Variants in VNN2 observed in about 807,000 individuals in gnomAD.
VNN2 encodes vanin 2, also known as pantetheine hydrolase VNN2.
VNN2 carries 43 observed loss-of-function variants against 43.0 expected under a neutral mutation model. The ratio of observed to expected loss-of-function variants is 1.00; its 90% CI spans 0.78 to 1.29. VNN2 has a LOEUF of 1.29. VNN2 is among the 50% of genes most tolerant of loss of function. The probability of loss-of-function intolerance (pLI) is 0.00; values close to 1 mark genes in which losing one functional copy is unlikely to be tolerated. For missense variants in VNN2, 652 were observed against 619.7 expected (o/e 1.05, Z -0.55); for synonymous variants, 230 against 224.3 (o/e 1.03, Z -0.23).
rs528776801 is a variant in VNN2 at position 132,749,070 on chromosome 6, T to G, written c.1371+625A>C. 5.3e-5 allele frequency among the ~76,000 whole-genome samples: 8 copies of G among 152,342 alleles called. No individual in the cohort carries two copies. In the South Asian group the frequency reaches 8.3e-4, roughly 16 times the overall value. ...CTAGGTATGTTCTTTATTATGTTCTTCCAATGAAGTATCATCATTTTATAA... is the reference window on the plus strand; with the variant it reads ...CTAGGTATGTTCTTTATTATGTTCTGCCAATGAAGTATCATCATTTTATAA... On this transcript the variant is annotated intron_variant, in intron 6 of 6. Coordinates refer to ENST00000326499, the MANE Select transcript of VNN2 (RefSeq NM_004665.6).
At chr6:132,761,268 C>T (rs1238475893), upstream of VNN2, among the ~76,000 whole-genome samples, 2 of 151,816 alleles carry the variant, frequency 1.3e-5, no homozygotes, top group South Asian at 2.1e-4. Context: ...AGCCTACTTC[C>T]TAATTTGCCA....
chr6:132,757,956 T>C, upstream of VNN2: 1 of 1,270,454 alleles, frequency 7.9e-7, no homozygotes, highest in Non-Finnish European at 1.1e-6. Context: ...AATGTTTGCA[T>C]AACATGTGGC....
rs2294760 is a variant in VNN2 at position 132,757,795 on chromosome 6, A to G, written c.89T>C (p.Val30Ala). ...TGGCAAAATGACAGCATGTTCATAC[A>G]CTGCAGCTATAAAACTGTCCTGAGT... is the stretch of plus-strand genomic sequence containing the variant. ...VGTQDSFIAA[V>A]YEHAVILPNK... The change falls in exon 1 of 7, where the codon GTG becomes GCG. Residue 30 changes from valine (V) to alanine (A), a missense_variant. Val to Ala is a moderately conservative substitution (Grantham distance 64). Coordinates refer to ENST00000326499, the MANE Select transcript of VNN2 (RefSeq NM_004665.6). The G allele has an allele frequency of 6.8e-6, 11 of 1,614,138 alleles. No individual in the cohort carries two copies. In the East Asian group the frequency reaches 2.0e-4, roughly 29 times the overall value.
Position 132,749,768 on chromosome 6 carries a change from C to T in VNN2, c.1298G>A (p.Gly433Asp). 6.2e-7 allele frequency: 1 copy of T among 1,614,036 alleles called. No individual in the cohort carries two copies. Among genetic ancestry groups the T allele is most frequent in the Non-Finnish European group, 8.5e-7 (1 of 1,179,968 alleles). ...STRFEMFSLSGTFGTEYVFPE... is the reference protein window; with the variant it reads ...STRFEMFSLSDTFGTEYVFPE... ...AAAAACATACTCTGTTCCAAATGTGCCACTGAGGGAGAACATTTCAAATCT... is the reference window on the plus strand; with the variant it reads ...AAAAACATACTCTGTTCCAAATGTGTCACTGAGGGAGAACATTTCAAATCT... The change falls in exon 6 of 7, where the codon GGC (glycine) becomes GAC (aspartate). Residue 433 changes from glycine (G) to aspartate (D), a missense_variant. Physicochemically the swap from Gly to Asp is moderately conservative, Grantham distance 94. Transcript: ENST00000326499.
intron 1 of VNN2, among the ~76,000 whole-genome samples, chr6:132,762,915 G>A (rs1780770282): frequency 6.6e-6 from 1 of 152,146 alleles, no homozygotes; most frequent in Admixed American, 6.5e-5. Context: ...TGAGTTAGTA[G>A]CATCCTCCCC....
chr6:132,758,946 C>T (rs972968521), upstream of VNN2, among the ~76,000 whole-genome samples: 8 of 151,956 alleles, frequency 5.3e-5, no homozygotes, highest in Non-Finnish European at 8.8e-5. Context: ...CTTCCCTCCC[C>T]ATCCTCCCCC....
chr6:132,750,613 G>A (rs1258090064), intron 5 of VNN2, among the ~76,000 whole-genome samples: 3 of 145,542 alleles, frequency 2.1e-5, no homozygotes, highest in African/African-American at 7.6e-5. Context: ...GTAGTGAGCC[G>A]AGATCATGCT....
rs1562243222 is a variant in VNN2, at chr6:132,749,684, A to C, written c.1371+11T>G. 6.2e-7 allele frequency: 1 copy of C among 1,607,074 alleles called. No individual in the cohort carries two copies. Among genetic ancestry groups the C allele is most frequent in the South Asian group, 1.1e-5 (1 of 90,316 alleles). On this transcript the variant is annotated intron_variant, in intron 6 of 6. Coordinates refer to ENST00000326499, the MANE Select transcript of VNN2 (RefSeq NM_004665.6). ...TATAAAATGAAAATACTCTTATAAA[A>C]GTCCTCTTACCTCAAATTTTCCAGG...
At chr6:132,758,211 AT>A (rs1780623723), upstream of VNN2, among the ~76,000 whole-genome samples, 1 of 151,524 alleles carries the variant, frequency 6.6e-6, no homozygotes, top group Non-Finnish European at 1.5e-5. Flanking sequence ...CGTCCAGCTA[AT>A]TTTTGTATTT....
intron 4 of VNN2, 48 bp from the exon 5 acceptor site, chr6:132,751,566 A>T: frequency 6.5e-7 from 1 of 1,549,352 alleles, no homozygotes. Context: ...CACACAAAAA[A>T]ACCAAAACTG....
intron 6 of VNN2, among the ~76,000 whole-genome samples, chr6:132,745,174 T>C (rs1051252743): frequency 2.0e-5 from 3 of 152,198 alleles, no homozygotes; most frequent in African/African-American, 7.2e-5. Context: ...GATTGTTAAA[T>C]TTCCAGGAAA....
chr6:132,755,786 C>T, intron 3 of VNN2, 57 bp downstream of exon 3: 2 of 1,508,056 alleles, frequency 1.3e-6, no homozygotes, highest in South Asian at 1.3e-5. Flanking sequence ...AACTCCTAAA[C>T]CCAGCATTGA....
At chr6:132,757,369 A>G (rs1780536948) in intron 2 of VNN2, 47 bp downstream of exon 2, 5 of 1,551,584 alleles carry the variant, frequency 3.2e-6, no homozygotes, top group African/African-American at 2.7e-5. Context: ...GAACGTGCGC[A>G]TTTTAGAGAG....
chr6:132,759,845 A>C (rs1483687549), upstream of VNN2, among the ~76,000 whole-genome samples: 34 of 152,234 alleles, frequency 2.2e-4, no homozygotes, highest in Non-Finnish European at 1.5e-5. Context: ...AAAGGGATAG[A>C]TATTTTTATG....
At chr6:132,756,086 C>T (rs890561667) in intron 2 of VNN2, 51 bp from the exon 3 acceptor site, 3 of 1,463,544 alleles carry the variant, frequency 2.0e-6, no homozygotes, top group Non-Finnish European at 2.7e-6. Context: ...ATATTTTAGT[C>T]ACTTTATATG....
intron 6 of VNN2, among the ~76,000 whole-genome samples, chr6:132,747,525 G>A (rs1402663959): frequency 6.6e-6 from 1 of 152,116 alleles, no homozygotes; most frequent in Non-Finnish European, 1.5e-5. Flanking sequence ...GCTGAGGCAG[G>A]AGAATCGCTT....
intron 3 of VNN2, 25 bp from the exon 4 acceptor site, chr6:132,752,774 C>A: frequency 1.3e-6 from 2 of 1,584,360 alleles, no homozygotes; most frequent in Non-Finnish European, 8.6e-7. Context: ...TAGGAGAAAA[C>A]CAGTAAAACC....
chr6:132,754,750 A>G (rs1179809984), intron 3 of VNN2, among the ~76,000 whole-genome samples: 2 of 152,236 alleles, frequency 1.3e-5, no homozygotes, highest in Non-Finnish European at 2.9e-5. Context: ...TTGATCTTAA[A>G]TCTATAAGAT....
rs1182862011 is a variant in VNN2 at position 132,744,291 on chromosome 6, A to G, written c.*9T>C. ...ATATGATGCAGAAGCTGAGTGATAA[A>G]GAGACGCCCTATAACATTACAATAT... On this transcript the variant is annotated 3_prime_UTR_variant, in exon 7 of 7. Transcript: ENST00000326499. 6.3e-7 allele frequency: 1 copy of G among 1,597,258 alleles called. No homozygotes were observed.
Sources: gnomAD v4.1 joint callset for allele counts (sites outside exome capture counted in the v4.1 genomes callset) on GRCh38, gnomAD v4.1.1 for gene constraint, MANE v1.5 for transcripts, NCBI Gene and HGNC (gene_info 2026-07-23, HGNC 2026-07-21) for gene names.